RPTOR: variants seen among roughly 807,000 people sequenced by gnomAD.
RPTOR encodes the protein regulatory associated protein of MTOR complex 1.
A neutral mutation model predicts 169.9 loss-of-function variants in RPTOR; 21 were observed. The observed-to-expected ratio is 0.12, with a 90% CI of 0.09 to 0.18. The LOEUF (loss-of-function observed/expected upper bound fraction) is 0.18. Among genes scored for constraint, RPTOR ranks in the 10% least tolerant of loss-of-function variants. The pLI, the probability that RPTOR is intolerant of heterozygous loss-of-function variation, is 1.00. For missense variants in RPTOR, 1,133 were observed against 1,855.9 expected, an observed-to-expected ratio of 0.61 and a Z score of 7.16; for synonymous variants, 732 against 753.2, an observed-to-expected ratio of 0.97 and a Z score of 0.46.
chr17:80,715,208 C>T (rs2066229577), intron 4 of RPTOR, among the ~76,000 whole-genome samples: 1 of 151,970 alleles, frequency 6.6e-6, no homozygotes, highest in South Asian at 2.1e-4. Flanking sequence ...GTAGGTAGAT[C>T]AGTGAAGAAA....
intron 13 of RPTOR, among the ~76,000 whole-genome samples, chr17:80,863,334 C>T (rs190540864): frequency 2.0e-5 from 3 of 152,298 alleles, no homozygotes; most frequent in African/African-American, 7.2e-5. Context: ...CACTCCACTT[C>T]ACACTACCAG....
chr17:80,888,137 G>T (rs903506601), intron 17 of RPTOR, among the ~76,000 whole-genome samples: 1 of 152,126 alleles, frequency 6.6e-6, no homozygotes, highest in African/African-American at 2.4e-5. Context: ...ATTTTATTTT[G>T]AAACAGAGTC....
chr17:80,811,404 G>C (rs2067270593), intron 7 of RPTOR, among the ~76,000 whole-genome samples: 1 of 152,196 alleles, frequency 6.6e-6, no homozygotes, highest in Non-Finnish European at 1.5e-5. Flanking sequence ...ATGTTAAACA[G>C]TCTTGCATCC....
chr17:80,573,355 T>C (rs2064927853), intron 1 of RPTOR, among the ~76,000 whole-genome samples: 1 of 152,184 alleles, frequency 6.6e-6, no homozygotes, highest in Non-Finnish European at 1.5e-5. Context: ...TTTGGACAGA[T>C]TTGATATCTT....
Position 80,625,777 on chromosome 17 carries a change from C to G in RPTOR, c.249C>G (p.Arg83=), listed in dbSNP as rs146510230. 6.2e-7 allele frequency: 1 copy of G among 1,611,358 alleles called. No individual in the cohort carries two copies. Among genetic ancestry groups the G allele is most frequent in the South Asian group, 1.1e-5 (1 of 91,010 alleles). ...TGGTGAAGACCACGCCCTGTGCACG[C>G]TTGGAATGCTGGATCGGTGAGTATG... ...PDVVKTTPCA[R]LECWIDPLSM... The change falls in exon 2 of 34, where the codon CGC becomes CGG. Residue 83 remains arginine (R), a synonymous_variant. Transcript: ENST00000306801.
intron 20 of RPTOR, among the ~76,000 whole-genome samples, chr17:80,895,386 A>G (rs1192877062): frequency 6.6e-6 from 1 of 151,422 alleles, no homozygotes; most frequent in Admixed American, 6.6e-5. Flanking sequence ...TTCCTGCTTT[A>G]TTTTTCTCCT....
chr17:80,684,900 C>T (rs992219114), intron 3 of RPTOR, among the ~76,000 whole-genome samples: 1 of 152,182 alleles, frequency 6.6e-6, no homozygotes, highest in East Asian at 1.9e-4. Context: ...CTGTATGGCA[C>T]TTCATTACGT....
intron 7 of RPTOR, among the ~76,000 whole-genome samples, chr17:80,814,233 A>T (rs544406526): frequency 7.2e-5 from 11 of 152,290 alleles, no homozygotes; most frequent in African/African-American, 2.2e-4. Flanking sequence ...AGGGGGGAAA[A>T]GTTTTGTTTT....
intron 1 of RPTOR, among the ~76,000 whole-genome samples, chr17:80,586,392 A>G (rs533622545): frequency 6.6e-6 from 1 of 152,260 alleles, no homozygotes; most frequent in Non-Finnish European, 1.5e-5. Flanking sequence ...TGGATTGGGG[A>G]AAGTTGCCTC....
chr17:80,822,707 T>C (rs1436285192), intron 8 of RPTOR, among the ~76,000 whole-genome samples: 1 of 152,200 alleles, frequency 6.6e-6, no homozygotes, highest in African/African-American at 2.4e-5. Context: ...GCACTGTGTG[T>C]GTACATGTGT....
At chr17:80,558,057 T>C (rs1599547059) in intron 1 of RPTOR, among the ~76,000 whole-genome samples, 1 of 152,164 alleles carries the variant, frequency 6.6e-6, no homozygotes, top group East Asian at 1.9e-4. Context: ...CCCAGCACTT[T>C]GGGAGGCTGA....
At chr17:80,846,719 A>G (rs982497843) in intron 11 of RPTOR, 145 bp downstream of exon 11, 16 of 673,204 alleles carry the variant, frequency 2.4e-5, no homozygotes, top group Non-Finnish European at 3.4e-5. Flanking sequence ...ATGATGGTGC[A>G]TGGGCAGGTC....
chr17:80,767,405 TA>T (rs1431791923), intron 6 of RPTOR, among the ~76,000 whole-genome samples: 28 of 151,404 alleles, frequency 1.8e-4, no homozygotes, highest in Non-Finnish European at 2.2e-4. Context: ...AAAAGGAGAA[TA>T]AGGGAATCAT....
At chr17:80,874,321 C>A (rs1408263838) in intron 13 of RPTOR, among the ~76,000 whole-genome samples, 1 of 151,732 alleles carries the variant, frequency 6.6e-6, no homozygotes, top group Non-Finnish European at 1.5e-5. Context: ...CTCAGCCTCC[C>A]AAGTAACTGG....
intron 3 of RPTOR, among the ~76,000 whole-genome samples, chr17:80,700,001 G>A (rs1249568540): frequency 6.6e-6 from 1 of 152,166 alleles, no homozygotes; most frequent in African/African-American, 2.4e-5. Flanking sequence ...AAAGACAAGG[G>A]ACATTTAACA....
At chr17:80,650,691 G>A in intron 3 of RPTOR, among the ~76,000 whole-genome samples, 1 of 152,196 alleles carries the variant, frequency 6.6e-6, no homozygotes, top group African/African-American at 2.4e-5. Context: ...GGCCATGGTG[G>A]TTGGTCATCA....
chr17:80,559,538 G>A (rs1034071054), intron 1 of RPTOR, among the ~76,000 whole-genome samples: 1 of 152,218 alleles, frequency 6.6e-6, no homozygotes, highest in Non-Finnish European at 1.5e-5. Context: ...ATTTAGAGCT[G>A]GGCTGTGTGC....
At chr17:80,941,003 C>T (rs2144038997) in intron 25 of RPTOR, among the ~76,000 whole-genome samples, 1 of 152,348 alleles carries the variant, frequency 6.6e-6, no homozygotes, top group East Asian at 1.9e-4. Context: ...GAGCCCACAT[C>T]TCCCCACCCG....
chr17:80,713,970 C>A (rs1234834002), intron 4 of RPTOR, among the ~76,000 whole-genome samples: 1 of 152,108 alleles, frequency 6.6e-6, no homozygotes, highest in Non-Finnish European at 1.5e-5. Context: ...TGGAGTCTCG[C>A]TTTGGTTGCC....
Sources: allele counts gnomAD v4.1 joint callset (sites outside exome capture counted in the v4.1 genomes callset), GRCh38; gene constraint gnomAD v4.1.1; transcripts MANE v1.5; gene names NCBI Gene and HGNC (gene_info 2026-07-23, HGNC 2026-07-21).